The following SH2D6 variants were observed in gnomAD, a reference collection of about 807,000 sequenced individuals.
The protein encoded by SH2D6 is SH2 domain-containing protein 6.
A neutral mutation model predicts 30.2 loss-of-function variants in SH2D6; 31 were observed. That is an observed-to-expected ratio of 1.03 (90% CI 0.77 to 1.38). The LOEUF (loss-of-function observed/expected upper bound fraction) is 1.38. Among genes scored for constraint, SH2D6 ranks in the 40% most tolerant of loss-of-function variants. SH2D6 has a pLI of 0.00. For missense variants in SH2D6, 240 were observed against 266.8 expected, an observed-to-expected ratio of 0.90 and a Z score of 0.70; for synonymous variants, 93 against 104.6, an observed-to-expected ratio of 0.89 and a Z score of 0.68.
chr2:85,430,571 G>C lies in SH2D6; in HGVS notation c.169G>C (p.Glu57Gln), dbSNP rs1212846450. The C allele has an allele frequency of 6.5e-6, 1 of 153,190 alleles. No individual in the cohort carries two copies. Among genetic ancestry groups the C allele is most frequent in the African/African-American group, 2.4e-5 (1 of 41,410 alleles). The allele number at this position is 153,190 out of a possible 1,614,324, so 9.5% of individuals were successfully genotyped here. The change falls in exon 12 of 24, where the codon GAG becomes CAG. Residue 57 changes from glutamate to glutamine, a missense_variant. Physicochemically the swap from Glu to Gln is conservative, Grantham distance 29. Transcript: ENST00000469800. This position sits in a 1 kb window ranked among gnomAD's most constrained non-coding sequence, Gnocchi z 4.3. The stretch of plus-strand genomic sequence containing the variant: ...GGAGGACGAGGAGGAAAATAAGTAT[G>C]AGCTGCCCCCCTGTGAGGCTCTGCC... ...QEEDEEENKYELPPCEALPLS... is the reference protein window; with the variant it reads ...QEEDEEENKYQLPPCEALPLS...
chr2:85,434,766 C>G, intron 19 of SH2D6: 1 of 1,452,278 alleles, frequency 6.9e-7, no homozygotes, highest in Non-Finnish European at 9.1e-7. Flanking sequence ...CTGACTCCAG[C>G]TGAGATCAGG....
intron 17 of SH2D6, 109 bp downstream of exon 17, chr2:85,434,220 G>T: frequency 2.0e-6 from 3 of 1,516,914 alleles, no homozygotes; most frequent in Non-Finnish European, 2.7e-6. Flanking sequence ...GAATCTCCTT[G>T]CACTGTCCCA....
intron 14 of SH2D6, among the ~76,000 whole-genome samples, chr2:85,432,538 C>T (rs1688847335): frequency 6.6e-6 from 1 of 151,736 alleles, no homozygotes; most frequent in Non-Finnish European, 1.5e-5. Flanking sequence ...GTAGCTGGGA[C>T]TACAGGCGCC....
intron 13 of SH2D6, 49 bp from the exon 14 acceptor site, chr2:85,431,850 T>C (rs555302451): frequency 1.3e-5 from 2 of 152,850 alleles, no homozygotes; most frequent in African/African-American, 4.8e-5. Context: ...GCCCCATCCT[T>C]GCCTCCTGCT....
chr2:85,436,347 G>A (rs1689454424), intron 22 of SH2D6, 119 bp from the exon 23 acceptor site: 3 of 733,526 alleles, frequency 4.1e-6, no homozygotes, highest in African/African-American at 1.7e-5. Context: ...GGGCAAACAG[G>A]AAGGAAGATA....
chr2:85,434,557 A>G, intron 19 of SH2D6, 60 bp downstream of exon 19: 1 of 1,525,520 alleles, frequency 6.6e-7, no homozygotes, highest in East Asian at 2.5e-5. Flanking sequence ...ACAGTCAGTT[A>G]CAGATCAAAC....
chr2:85,424,526 G>A (rs1687897413), intron 5 of SH2D6, among the ~76,000 whole-genome samples: 2 of 152,110 alleles, frequency 1.3e-5, no homozygotes, highest in South Asian at 2.1e-4. Context: ...AAGGCAGGAG[G>A]ATCACTTGAG....
intron 7 of SH2D6, 65 bp downstream of exon 7, chr2:85,428,762 A>G (rs570119702): frequency 4.8e-4 from 73 of 152,322 alleles, no homozygotes; most frequent in African/African-American, 1.7e-3. Flanking sequence ...TGGCAGCCTG[A>G]GCTGACTAAT....
intron 2 of SH2D6, among the ~76,000 whole-genome samples, chr2:85,420,608 A>C (rs1372093114): frequency 6.6e-6 from 1 of 152,264 alleles, no homozygotes; most frequent in African/African-American, 2.4e-5. Flanking sequence ...AAAGTCACAG[A>C]GCAGTGTTGT....
In SH2D6 at chr2:85,430,281, G is replaced by A. The variant is rs545570116; in HGVS notation, c.65-83G>A. The A allele has an allele frequency of 1.3e-4, 20 of 150,834 alleles. No homozygotes were observed. Among genetic ancestry groups the A allele is most frequent in the African/African-American group, 4.7e-4 (19 of 40,630 alleles). The allele number at this position is 150,834 out of a possible 1,614,324, so 9.3% of individuals were successfully genotyped here. ...AATGCCTGTGATGAGTGGTTCCTTT[G>A]AGTTGAAGCACTGGAGGGCGGGTGG... On this transcript the variant is annotated intron_variant, in intron 10 of 23. Transcript: ENST00000469800. The surrounding 1 kb of genome is among the most constrained non-coding windows in gnomAD (Gnocchi z 4.3).
intron 2 of SH2D6, among the ~76,000 whole-genome samples, chr2:85,419,601 A>G (rs1282397239): frequency 5.9e-5 from 9 of 152,220 alleles, no homozygotes; most frequent in African/African-American, 1.2e-4. Flanking sequence ...CACAGTGGCC[A>G]GCAACACATT....
chr2:85,424,490 C>G (rs557452362), intron 5 of SH2D6, among the ~76,000 whole-genome samples: 17 of 152,272 alleles, frequency 1.1e-4, no homozygotes, highest in Admixed American at 9.2e-4. Flanking sequence ...TAGGTCTCAC[C>G]TGTAATCCCA....
rs1689497718 is a variant in SH2D6, at chr2:85,436,641, T to C, written c.*12+47T>C. 5.0e-6 allele frequency: 7 copies of C among 1,389,404 alleles called. No homozygotes were observed. In the South Asian group the frequency reaches 7.0e-5, roughly 14 times the overall value. 86.1% of individuals were successfully genotyped at this position (1,389,404 alleles called of 1,614,324 possible). On this transcript the variant is annotated intron_variant, in intron 23 of 23. Transcript: ENST00000469800. ...AGTTTGCTTCTTGTCCCGCCCCACC[T>C]TGGGCTGTCTTCCTCTCTCCTTCCC...
rs747463583 is a variant in SH2D6, at chr2:85,433,119, G to C, written c.391G>C (p.Val131Leu). ...GRREQGASSR[V>L]VPGPPKKPDE... ...TTCAGAGCAGGGTGCATCGTCCAGA[G>C]TGGTGAGCAGCCCCTCCATTTCCAC... The change falls in exon 15 of 24, where the codon GTG (valine) becomes CTG (leucine). Residue 131 changes from valine to leucine, a missense_variant and splice_region_variant. Transcript: ENST00000469800. The C allele has an allele frequency of 5.1e-6, 5 of 986,010 alleles. No homozygotes were observed. The highest frequency in any genetic ancestry group is 3.6e-6 in the Non-Finnish European group (3 of 830,016). 61.1% of individuals were successfully genotyped at this position (986,010 alleles called of 1,614,324 possible).
chr2:85,421,039 G>T (rs1455373324), intron 2 of SH2D6, among the ~76,000 whole-genome samples: 1 of 152,258 alleles, frequency 6.6e-6, no homozygotes, highest in African/African-American at 2.4e-5. Context: ...GGTTGGAGAC[G>T]TCGGGGAGCC....
chr2:85,427,895 C>T (rs1457585399), intron 6 of SH2D6, among the ~76,000 whole-genome samples: 2 of 152,176 alleles, frequency 1.3e-5, no homozygotes, highest in Non-Finnish European at 2.9e-5. Flanking sequence ...TCCTCTCCAT[C>T]CCTGGGTGTC....
intron 20 of SH2D6, 141 bp from the exon 21 acceptor site, chr2:85,435,272 G>A: frequency 2.4e-6 from 3 of 1,255,050 alleles, no homozygotes; most frequent in Non-Finnish European, 3.4e-6. Flanking sequence ...GCCCCAGACA[G>A]GGACACCACT....
chr2:85,423,289 T>C (rs1687816147), intron 5 of SH2D6, among the ~76,000 whole-genome samples: 1 of 152,220 alleles, frequency 6.6e-6, no homozygotes, highest in African/African-American at 2.4e-5. Context: ...TGGAGTGCAA[T>C]GGCACAATTT....
At chr2:85,432,642 C>T (rs908296885) in intron 14 of SH2D6, among the ~76,000 whole-genome samples, 6 of 152,072 alleles carry the variant, frequency 3.9e-5, no homozygotes, top group African/African-American at 1.2e-4. Flanking sequence ...CCTCGTGATC[C>T]GCCTGCCTCG....
Sources: allele counts gnomAD v4.1 joint callset (sites outside exome capture counted in the v4.1 genomes callset), GRCh38; gene constraint gnomAD v4.1.1; non-coding constraint Gnocchi (gnomAD v3.1); transcripts MANE v1.5; gene names NCBI Gene and HGNC (gene_info 2026-07-23, HGNC 2026-07-21).